The following TRAPPC11 variants were observed in gnomAD, a reference collection of about 807,000 sequenced individuals.
The protein encoded by TRAPPC11 is trafficking protein particle complex subunit 11.
Under a neutral mutation model 151.2 loss-of-function variants are expected in TRAPPC11, and 104 were observed. The ratio of observed to expected loss-of-function variants is 0.69; its 90% CI spans 0.59 to 0.81. The LOEUF (loss-of-function observed/expected upper bound fraction) is 0.81. TRAPPC11 is among the 30% of genes least tolerant of loss of function. TRAPPC11 has a pLI of 0.00. For missense variants in TRAPPC11, 1,230 were observed against 1,349.6 expected, an observed-to-expected ratio of 0.91 and a Z score of 1.39; for synonymous variants, 456 against 472.3, an observed-to-expected ratio of 0.97 and a Z score of 0.45.
rs776044903 is a variant in TRAPPC11 at position 183,664,008 on chromosome 4, T to C, written c.141T>C (p.Asp47=). 1 of 1,613,864 alleles carries C rather than the reference T, an allele frequency of 6.2e-7. No individual in the cohort carries two copies. Among genetic ancestry groups the C allele is most frequent in the Non-Finnish European group, 8.5e-7 (1 of 1,180,026 alleles). The change falls in exon 2 of 30, where the codon GAT becomes GAC. Residue 47 remains aspartate (D), a synonymous_variant. Coordinates refer to ENST00000334690, the MANE Select transcript of TRAPPC11 (RefSeq NM_021942.6). ...CCTTCTGTGCAAATCGGAGAGCTGA[T>C]CGAGTACCAATTTCTTTCAAGGTGC... is the stretch of plus-strand genomic sequence containing the variant. ...WDAFCANRRA[D]RVPISFKVLP... is the part of the protein sequence containing the mutation.
intron 19 of TRAPPC11, 79 bp downstream of exon 19, chr4:183,691,550 T>C (rs558266461): frequency 2.2e-5 from 20 of 919,918 alleles, no homozygotes; most frequent in Middle Eastern, 3.9e-4. Flanking sequence ...ATACAAAAGT[T>C]GATTAAGTAA....
intron 1 of TRAPPC11, among the ~76,000 whole-genome samples, chr4:183,663,038 G>C (rs919555883): frequency 6.6e-6 from 1 of 151,980 alleles, no homozygotes; most frequent in Non-Finnish European, 1.5e-5. Context: ...GATACTCAAA[G>C]CCTTTTGCCT....
chr4:183,663,599 C>G (rs1734675876), intron 1 of TRAPPC11, among the ~76,000 whole-genome samples: 1 of 151,984 alleles, frequency 6.6e-6, no homozygotes, highest in Non-Finnish European at 1.5e-5. Flanking sequence ...TAACTCCTGG[C>G]CTCCAGTGAT....
chr4:183,706,100 C>A lies in TRAPPC11; in HGVS notation c.3056-707C>A, dbSNP rs200363105. The A allele has an allele frequency of 4.2e-3, 573 of 135,184 alleles. 3 individuals carry two copies. In the East Asian group the frequency reaches 0.045, roughly 11 times the overall value. The allele number at this position is 135,184 out of a possible 1,614,324, so 8.4% of individuals were successfully genotyped here. A position where few individuals can be genotyped will look rare whatever the true frequency, so the allele number is the denominator to read the frequency against. On this transcript the variant is annotated intron_variant, in intron 27 of 29. Transcript: ENST00000334690. ...CACACACACACACACACACACACAC[C>A]CACCAAACAACAGTGTATCCACAAA...
chr4:183,708,210 T>A (rs1161289371), intron 28 of TRAPPC11, among the ~76,000 whole-genome samples, 197 bp from the exon 29 acceptor site: 1 of 152,212 alleles, frequency 6.6e-6, no homozygotes, highest in Non-Finnish European at 1.5e-5. Context: ...ACACATTTCC[T>A]GTCTGCCATG....
chr4:183,710,049 G>A (rs1465433110), intron 29 of TRAPPC11, among the ~76,000 whole-genome samples: 4 of 152,140 alleles, frequency 2.6e-5, no homozygotes, highest in African/African-American at 7.2e-5. Flanking sequence ...TCATTTAGAT[G>A]TATGTAGACT....
At chr4:183,681,975 G>A (rs1399789169) in intron 10 of TRAPPC11, among the ~76,000 whole-genome samples, 1 of 152,066 alleles carries the variant, frequency 6.6e-6, no homozygotes, top group Non-Finnish European at 1.5e-5. Flanking sequence ...AAGATGAATA[G>A]CTATAGGGAA....
chr4:183,661,893 C>A lies in TRAPPC11; in HGVS notation c.-21-1954C>A, dbSNP rs143935073. 8.0e-3 allele frequency among the ~76,000 whole-genome samples: 1,213 copies of A among 151,352 alleles called. 5 individuals carry two copies. The highest frequency in any genetic ancestry group is 0.04 in the South Asian group (194 of 4,808). Reference sequence around the variant, plus strand: ...CCTCCCATCTCAGCCTCCCAAGTGGCTGGGACTACAAGTGAGCACCACCAT... The same window carrying A: ...CCTCCCATCTCAGCCTCCCAAGTGGATGGGACTACAAGTGAGCACCACCAT... On this transcript the variant is annotated intron_variant, in intron 1 of 29. Transcript: ENST00000334690.
At position 183,689,801 on chromosome 4, in the gene TRAPPC11, T is replaced by TC. The variant is rs397785341; in HGVS notation, c.1894-1514dup. Among the ~76,000 whole-genome samples the TC allele has an allele frequency of 1.7e-4, 25 of 151,440 alleles. No individual in the cohort carries two copies. In the South Asian group the frequency reaches 3.5e-3, roughly 21 times the overall value. On this transcript the variant is annotated intron_variant, in intron 18 of 29. Coordinates refer to ENST00000334690, the MANE Select transcript of TRAPPC11 (RefSeq NM_021942.6). Reference sequence around the variant, plus strand: ...CATTTCTTTTCTTTCCTTTTTTTTTTCAACAAAAAATATAAGCTACTATAA... The same window carrying TC: ...CATTTCTTTTCTTTCCTTTTTTTTTTCCAACAAAAAATATAAGCTACTATAA...
intron 3 of TRAPPC11, 79 bp from the exon 4 acceptor site, chr4:183,666,981 A>G (rs1448219499): frequency 4.9e-6 from 6 of 1,220,218 alleles, no homozygotes; most frequent in East Asian, 2.6e-5. Context: ...TTGAATGACC[A>G]AGGTTGTATT....
In TRAPPC11 at chr4:183,701,914, G is replaced by C. The variant is rs1274589595; in HGVS notation, c.2963+106G>C. ...ATTTGAGAGTTTCTGTCATTCTGAA[G>C]AGCAGAAGTCATGTGGATATGAACA... On this transcript the variant is annotated intron_variant, in intron 26 of 29. Coordinates refer to ENST00000334690, the MANE Select transcript of TRAPPC11 (RefSeq NM_021942.6). The C allele has an allele frequency of 1.0e-5, 8 of 790,704 alleles. No homozygotes were observed. The Admixed American group carries it at 1.5e-4, about 15-fold the overall frequency. The allele number at this position is 790,704 out of a possible 1,614,324, so 49.0% of individuals were successfully genotyped here.
At chr4:183,688,412 C>A (rs914874360) in intron 18 of TRAPPC11, among the ~76,000 whole-genome samples, 1 of 152,160 alleles carries the variant, frequency 6.6e-6, no homozygotes, top group African/African-American at 2.4e-5. Flanking sequence ...CTCACTAGAA[C>A]AGAGGGTTTA....
intron 1 of TRAPPC11, among the ~76,000 whole-genome samples, chr4:183,661,204 T>C (rs548328045): frequency 6.6e-6 from 1 of 152,160 alleles, no homozygotes; most frequent in East Asian, 1.9e-4. Flanking sequence ...TCTTTCAGTA[T>C]GTAAACATGA....
chr4:183,685,501 T>C, intron 17 of TRAPPC11, 98 bp downstream of exon 17: 2 of 1,368,876 alleles, frequency 1.5e-6, no homozygotes, highest in African/African-American at 2.9e-5. Context: ...CAAGAAAGAG[T>C]TTTCAAAGTA....
intron 26 of TRAPPC11, 145 bp downstream of exon 26, chr4:183,701,953 G>T: frequency 1.6e-6 from 1 of 642,860 alleles, no homozygotes; most frequent in East Asian, 2.8e-5. Context: ...ACCTGAAAAA[G>T]ATAATTAAAG....
chr4:183,689,477 A>G (rs1011874606), intron 18 of TRAPPC11, among the ~76,000 whole-genome samples: 1 of 152,098 alleles, frequency 6.6e-6, no homozygotes. Flanking sequence ...GGTAGTACTA[A>G]TCACACTGTG....
rs186387692 is a variant in TRAPPC11 at position 183,679,636 on chromosome 4, T to C, written c.965+150T>C. 2.9e-3 allele frequency: 1,733 copies of C among 592,382 alleles called. 4 individuals are homozygous for C. Among genetic ancestry groups the C allele is most frequent in the Middle Eastern group, 0.013 (30 of 2,236 alleles). 36.7% of individuals were successfully genotyped at this position (592,382 alleles called of 1,614,324 possible). On this transcript the variant is annotated intron_variant, in intron 9 of 29. Coordinates refer to ENST00000334690, the MANE Select transcript of TRAPPC11 (RefSeq NM_021942.6). ...AGCATAAGTATGTTTCTGGTAATAT[T>C]GTACATTGATATTGTATACAGTTCC...
At chr4:183,659,992 T>A (rs898863826) in intron 1 of TRAPPC11, among the ~76,000 whole-genome samples, 1 of 152,222 alleles carries the variant, frequency 6.6e-6, no homozygotes, top group Non-Finnish European at 1.5e-5. Flanking sequence ...CCAGTTTACT[T>A]CCCTTGCATT....
In TRAPPC11 at chr4:183,668,097, C is replaced by T. The variant is rs114853790; in HGVS notation, c.540C>T (p.His180=). 7 of 1,607,928 alleles carry T rather than the reference C, an allele frequency of 4.4e-6. No individual in the cohort carries two copies. Among genetic ancestry groups the T allele is most frequent in the Non-Finnish European group, 6.0e-6 (7 of 1,175,998 alleles). Residue 180 remains histidine (H), a synonymous_variant, in exon 5 of 30, where the codon CAC becomes CAT. Coordinates refer to ENST00000334690, the MANE Select transcript of TRAPPC11 (RefSeq NM_021942.6). ...KSLFVLPHTD[H]LVGYIIRLEN... ...TGTTTGTACTGCCGCACACTGACCA[C>T]CTTGTGGGTTATATTATAAGGTAAG...
Sources: allele counts gnomAD v4.1 joint callset (sites outside exome capture counted in the v4.1 genomes callset), GRCh38; gene constraint gnomAD v4.1.1; transcripts MANE v1.5; gene names NCBI Gene and HGNC (gene_info 2026-07-23, HGNC 2026-07-21).